C12orf42: variants seen among roughly 807,000 people sequenced by gnomAD.
C12orf42 encodes chromosome 12 open reading frame 42.
Under a neutral mutation model 21.6 loss-of-function variants are expected in C12orf42, and 25 were observed. The ratio of observed to expected loss-of-function variants is 1.16; its 90% CI spans 0.84 to 1.62. The LOEUF (loss-of-function observed/expected upper bound fraction) is 1.62. Ranked by LOEUF, C12orf42 falls within the 40% of genes most tolerant of loss-of-function variation. The pLI is 0.00. For missense variants in C12orf42, 483 were observed against 459.3 expected (o/e 1.05, Z -0.47); for synonymous variants, 174 against 175.0 (o/e 0.99, Z 0.05).
chr12:103,087,633 A>G, the C12orf42 span, among the ~76,000 whole-genome samples: 1 of 152,374 alleles, frequency 6.6e-6, no homozygotes, highest in African/African-American at 2.4e-5. Context: ...GCCAGGTGGC[A>G]TTGTGCTAAG....
At chr12:103,427,963 A>G (rs945452322) in intron 2 of C12orf42, among the ~76,000 whole-genome samples, 2 of 152,250 alleles carry the variant, frequency 1.3e-5, no homozygotes, top group African/African-American at 4.8e-5. Context: ...TCTCTGGGAC[A>G]CAGCTAAAGC....
intron 2 of C12orf42, among the ~76,000 whole-genome samples, chr12:103,434,541 C>A (rs150136774): frequency 6.6e-6 from 1 of 151,974 alleles, no homozygotes; most frequent in Non-Finnish European, 1.5e-5. Context: ...TCAGTGGGTG[C>A]GCGTACCATG....
At chr12:103,146,560 A>AATG in the C12orf42 span, among the ~76,000 whole-genome samples, 5 of 120,054 alleles carry the variant, frequency 4.2e-5, no homozygotes, top group African/African-American at 9.8e-5. Flanking sequence ...ATAAAGAAAG[A>AATG]AAAGAAAGAA....
At chr12:103,183,508 T>C in the C12orf42 span, among the ~76,000 whole-genome samples, 1 of 152,248 alleles carries the variant, frequency 6.6e-6, no homozygotes, top group Non-Finnish European at 1.5e-5. Flanking sequence ...TCATTTTTTT[T>C]TGAATAACCA....
chr12:103,246,433 C>T (rs1197040174), intron 10 of C12orf42, among the ~76,000 whole-genome samples: 1 of 151,886 alleles, frequency 6.6e-6, no homozygotes, highest in African/African-American at 2.4e-5. Context: ...TTTAAGAGGG[C>T]TGGATTTAAA....
At chr12:103,353,767 G>A (rs2043295677) in intron 4 of C12orf42, among the ~76,000 whole-genome samples, 3 of 152,282 alleles carry the variant, frequency 2.0e-5, no homozygotes, top group Admixed American at 6.5e-5. Context: ...CAAACACTTC[G>A]CAAGACAGTG....
intron 4 of C12orf42, among the ~76,000 whole-genome samples, chr12:103,335,337 T>C (rs2041599039): frequency 1.3e-5 from 2 of 152,226 alleles, no homozygotes; most frequent in South Asian, 4.2e-4. Context: ...CAATGGAAAA[T>C]ATGTAGGATG....
chr12:103,103,864 G>A, the C12orf42 span, among the ~76,000 whole-genome samples: 2 of 150,056 alleles, frequency 1.3e-5, no homozygotes, highest in Non-Finnish European at 3.0e-5. Context: ...GCAGTGGTGC[G>A]ATCGCGGCTC....
chr12:103,271,797 T>C (rs2035491812), intron 5 of C12orf42, among the ~76,000 whole-genome samples: 1 of 152,212 alleles, frequency 6.6e-6, no homozygotes, highest in Non-Finnish European at 1.5e-5. Context: ...ATGCATTGAA[T>C]GGTTTCATTT....
the C12orf42 span, among the ~76,000 whole-genome samples, chr12:103,213,363 G>T: frequency 6.6e-6 from 1 of 152,146 alleles, no homozygotes; most frequent in African/African-American, 2.4e-5. Context: ...GATTATCATT[G>T]CTTTCAACCA....
intron 4 of C12orf42, among the ~76,000 whole-genome samples, chr12:103,352,937 C>CA (rs769308045): frequency 6.6e-6 from 1 of 151,944 alleles, no homozygotes; most frequent in South Asian, 2.1e-4. Context: ...GGTCGTGTCC[C>CA]AAAAAACAGA....
At chr12:103,334,315 T>C (rs1017919341) in intron 4 of C12orf42, among the ~76,000 whole-genome samples, 4 of 152,126 alleles carry the variant, frequency 2.6e-5, no homozygotes, top group African/African-American at 7.2e-5. Context: ...AGAGAACAAA[T>C]AAGGAGTAAT....
the C12orf42 span, among the ~76,000 whole-genome samples, chr12:103,210,311 A>G: frequency 1.3e-5 from 2 of 152,188 alleles, no homozygotes; most frequent in East Asian, 1.9e-4. Flanking sequence ...TTTATCTTGA[A>G]GCAATCATTT....
intron 4 of C12orf42, among the ~76,000 whole-genome samples, chr12:103,320,547 A>T (rs1021084000): frequency 1.3e-5 from 2 of 152,218 alleles, no homozygotes; most frequent in African/African-American, 4.8e-5. Context: ...GCAAACTATA[A>T]TGATAGAACT....
the C12orf42 span, among the ~76,000 whole-genome samples, chr12:103,198,092 C>G: frequency 6.6e-6 from 1 of 152,192 alleles, no homozygotes; most frequent in South Asian, 2.1e-4. Context: ...CATACACACA[C>G]ACAGAAGCAG....
chr12:103,228,505 G>C, the C12orf42 span, among the ~76,000 whole-genome samples: 2 of 152,040 alleles, frequency 1.3e-5, no homozygotes, highest in East Asian at 1.9e-4. Flanking sequence ...GGGCATATAC[G>C]TGCAAGTCAC....
chr12:103,461,743 C>T (rs1051268561), intron 2 of C12orf42, among the ~76,000 whole-genome samples: 51 of 152,150 alleles, frequency 3.4e-4, no homozygotes, highest in Non-Finnish European at 6.0e-4. Flanking sequence ...GATTAAATGA[C>T]TTAGTGCACA....
the C12orf42 span, among the ~76,000 whole-genome samples, chr12:103,048,861 G>T: frequency 6.6e-6 from 1 of 152,086 alleles, no homozygotes; most frequent in Admixed American, 6.6e-5. Flanking sequence ...GAAATCTCAG[G>T]ATATGCCTCT....
chr12:103,072,530 T>A, the C12orf42 span, among the ~76,000 whole-genome samples: 1 of 151,966 alleles, frequency 6.6e-6, no homozygotes, highest in Non-Finnish European at 1.5e-5. Context: ...AGTCATCAAC[T>A]CATCAATTCT....
Sources: allele counts gnomAD v4.1 joint callset (sites outside exome capture counted in the v4.1 genomes callset), GRCh38; gene constraint gnomAD v4.1.1; transcripts MANE v1.5; gene names NCBI Gene and HGNC (gene_info 2026-07-23, HGNC 2026-07-21).